Variants in PIEZO2 observed in about 807,000 individuals in gnomAD.
The protein encoded by PIEZO2 is piezo-type mechanosensitive ion channel component 2.
Under a neutral mutation model 337.3 loss-of-function variants are expected in PIEZO2, and 172 were observed. That is an observed-to-expected ratio of 0.51 (90% CI 0.45 to 0.58). The LOEUF is 0.58. Among genes scored for constraint, PIEZO2 ranks in the 20% least tolerant of loss-of-function variants. The pLI is 0.00. For synonymous variants in PIEZO2, 1,251 were observed against 1,228.5 expected, an observed-to-expected ratio of 1.02 and a Z score of -0.38; for missense variants, 3,028 against 3,391.3, an observed-to-expected ratio of 0.89 and a Z score of 2.66.
chr18:11,105,740 A>G lies in PIEZO2; in HGVS notation c.65-39518T>C, dbSNP rs1251483723. The stretch of plus-strand genomic sequence containing the variant: ...GAATGCTAGTGCTGCTTGAGGCTTG[A>G]CTGTAAAGCTCCGTAACCATATAAA... On this transcript the variant is annotated intron_variant, in intron 1 of 55. Transcript: ENST00000674853. The surrounding 1 kb of genome is among the most constrained non-coding windows in gnomAD (Gnocchi z 4.3). Among the ~76,000 whole-genome samples the G allele has an allele frequency of 6.6e-6, 1 of 152,138 alleles. No homozygotes were observed. The highest frequency in any genetic ancestry group is 6.5e-5 in the Admixed American group (1 of 15,268).
chr18:10,990,743 C>A (rs185631380), intron 2 of PIEZO2, among the ~76,000 whole-genome samples: 1 of 149,070 alleles, frequency 6.7e-6, no homozygotes, highest in African/African-American at 2.5e-5. Context: ...ATAGAAGTTA[C>A]ATTATTTTTT....
Position 10,973,856 on chromosome 18 carries a change from G to A in PIEZO2, c.286+5679C>T, listed in dbSNP as rs562102429. Among the ~76,000 whole-genome samples the A allele has an allele frequency of 6.6e-6, 1 of 152,218 alleles. No homozygotes were observed. The highest frequency in any genetic ancestry group is 2.4e-5 in the African/African-American group (1 of 41,532). On this transcript the variant is annotated intron_variant, in intron 3 of 55. Transcript: ENST00000674853. The surrounding 1 kb of genome is among the most constrained non-coding windows in gnomAD (Gnocchi z 4.9). ...TTTTATATATTTTGTCTCCCATTTC[G>A]TACTTATTAGCTCTTTTCTCCAGGG...
At chr18:10,782,314 T>A (rs1420502955) in intron 17 of PIEZO2, among the ~76,000 whole-genome samples, 2 of 102,174 alleles carry the variant, frequency 2.0e-5, no homozygotes, top group Non-Finnish European at 3.5e-5. Flanking sequence ...AATAATTATA[T>A]AATATATTAT....
chr18:10,860,506 C>CT (rs2041844286), intron 5 of PIEZO2, among the ~76,000 whole-genome samples: 1 of 152,148 alleles, frequency 6.6e-6, no homozygotes, highest in Admixed American at 6.5e-5. Context: ...CCCACCAGAG[C>CT]TATCGCCAGG....
chr18:10,686,193 G>C (rs1380531485), intron 49 of PIEZO2, among the ~76,000 whole-genome samples: 1 of 152,174 alleles, frequency 6.6e-6, no homozygotes, highest in Non-Finnish European at 1.5e-5. Context: ...GCAGTTGGGT[G>C]TCAGCACCCA....
chr18:10,799,703 T>C (rs1453699597), intron 11 of PIEZO2, among the ~76,000 whole-genome samples: 5 of 152,310 alleles, frequency 3.3e-5, no homozygotes, highest in African/African-American at 9.6e-5. Flanking sequence ...CCGGGTGCGG[T>C]GGCCCACCCC....
rs1044273278 is a variant in PIEZO2 at position 10,846,220 on chromosome 18, A to G, written c.917+9133T>C. ...GGCCTCACAATCATGGCAGAAGGCA[A>G]GGAGGAGCAAGTCACATCTTACACA... On this transcript the variant is annotated intron_variant, in intron 7 of 55. Transcript: ENST00000674853. This position sits in a 1 kb window ranked among gnomAD's most constrained non-coding sequence, Gnocchi z 4.1. Among the ~76,000 whole-genome samples, 3 of 152,178 alleles carry G rather than the reference A, an allele frequency of 2.0e-5. No individual in the cohort carries two copies. The highest frequency in any genetic ancestry group is 4.8e-5 in the African/African-American group (2 of 41,450).
intron 12 of PIEZO2, among the ~76,000 whole-genome samples, chr18:10,796,375 A>T (rs2039600401): frequency 6.6e-6 from 1 of 151,972 alleles, no homozygotes; most frequent in Non-Finnish European, 1.5e-5. Flanking sequence ...ATCTCAAAAA[A>T]AAAAAAAAAG....
intron 3 of PIEZO2, among the ~76,000 whole-genome samples, chr18:10,916,279 A>C (rs12968409): frequency 6.6e-6 from 1 of 152,108 alleles, no homozygotes; most frequent in Non-Finnish European, 1.5e-5. Flanking sequence ...CCCACGCTGC[A>C]CGCCCCTGCA....
chr18:10,729,489 T>C (rs2036676011), intron 36 of PIEZO2, among the ~76,000 whole-genome samples: 1 of 151,706 alleles, frequency 6.6e-6, no homozygotes, highest in African/African-American at 2.4e-5. Flanking sequence ...CTAGGCGTGG[T>C]GGTGTGCGCC....
chr18:10,906,540 A>T (rs2029939415), intron 4 of PIEZO2, among the ~76,000 whole-genome samples: 1 of 152,048 alleles, frequency 6.6e-6, no homozygotes, highest in Non-Finnish European at 1.5e-5. Flanking sequence ...TCACTGAGAG[A>T]TCACTATGAT....
At chr18:10,961,181 A>T (rs1180538980) in intron 3 of PIEZO2, among the ~76,000 whole-genome samples, 1 of 132,288 alleles carries the variant, frequency 7.6e-6, no homozygotes. Context: ...ACTCCATCTC[A>T]AAAAAAAAAA....
rs186677663 is a variant in PIEZO2 at position 10,681,613 on chromosome 18, C to T, written c.7779+48G>A. 9.4e-3 allele frequency: 13,484 copies of T among 1,439,864 alleles called. 75 individuals are homozygous for T. Among genetic ancestry groups the T allele is most frequent in the Non-Finnish European group, 0.012 (12,071 of 1,025,268 alleles). 89.2% of individuals were successfully genotyped at this position (1,439,864 alleles called of 1,614,324 possible). A position where few individuals can be genotyped will look rare whatever the true frequency, so the allele number is the denominator to read the frequency against. On this transcript the variant is annotated intron_variant, in intron 51 of 55. Coordinates refer to ENST00000674853, the MANE Select transcript of PIEZO2 (RefSeq NM_001378183.1). ...GCATTAAATGACAATGAGTGAACTT[C>T]CCTAGATGAGAGGTCTTCACAGAAA...
intron 2 of PIEZO2, among the ~76,000 whole-genome samples, chr18:11,050,331 C>A (rs77250531): frequency 0.026 from 3,879 of 152,020 alleles, 87 homozygotes; most frequent in East Asian, 0.093. Context: ...TGTTTTTAAC[C>A]AAAACCAGAT....
intron 18 of PIEZO2, among the ~76,000 whole-genome samples, chr18:10,778,224 T>C (rs1181909239): frequency 6.6e-6 from 1 of 152,140 alleles, no homozygotes; most frequent in Non-Finnish European, 1.5e-5. Flanking sequence ...GTCATTCTAA[T>C]GGATAATCAG....
In PIEZO2 at chr18:10,833,044, A is replaced by T. The variant is rs1354291001; in HGVS notation, c.917+22309T>A. Among the ~76,000 whole-genome samples the T allele has an allele frequency of 6.6e-6, 1 of 152,144 alleles. No homozygotes were observed. Among genetic ancestry groups the T allele is most frequent in the Non-Finnish European group, 1.5e-5 (1 of 68,024 alleles). ...GGAGGCTCTGAGGGATGTGGAAGGT[A>T]TTTCTCCAGAATATGCCTTGCTGGC... On this transcript the variant is annotated intron_variant, in intron 7 of 55. Transcript: ENST00000674853. The surrounding 1 kb of genome is among the most constrained non-coding windows in gnomAD (Gnocchi z 4.7).
At chr18:10,957,013 C>G (rs1322845736) in intron 3 of PIEZO2, among the ~76,000 whole-genome samples, 1 of 149,730 alleles carries the variant, frequency 6.7e-6, no homozygotes, top group Non-Finnish European at 1.5e-5. Context: ...ACAGGATATA[C>G]AGTCCAGAAA....
chr18:10,744,075 A>T, intron 31 of PIEZO2, 67 bp downstream of exon 31: 1 of 1,154,084 alleles, frequency 8.7e-7, no homozygotes, highest in Non-Finnish European at 1.2e-6. Context: ...CCAACAGTGG[A>T]GCACCAGCTG....
intron 7 of PIEZO2, among the ~76,000 whole-genome samples, chr18:10,820,726 C>T (rs992333284): frequency 1.5e-4 from 23 of 152,206 alleles, no homozygotes; most frequent in Non-Finnish European, 2.5e-4. Context: ...TCGAGTGTCT[C>T]GATTTTGTTG....
Sources: gnomAD v4.1 joint callset for allele counts (sites outside exome capture counted in the v4.1 genomes callset) on GRCh38, gnomAD v4.1.1 for gene constraint, Gnocchi (gnomAD v3.1) non-coding constraint, MANE v1.5 for transcripts, NCBI Gene and HGNC (gene_info 2026-07-23, HGNC 2026-07-21) for gene names.